The following SMIM45 variants were observed in gnomAD, a reference collection of about 807,000 sequenced individuals.
The protein encoded by SMIM45 is small integral membrane protein 45, also known as long intergenic non-protein coding RNA 634.
At chr22:41,958,600 G>C in the SMIM45 span, 1 of 352,128 alleles carries the variant, frequency 2.8e-6, no homozygotes, top group Non-Finnish European at 5.6e-6. Flanking sequence ...TGGTGGAAAC[G>C]GGGTGAACTC....
the SMIM45 span, among the ~76,000 whole-genome samples, chr22:41,956,208 G>A: frequency 6.6e-6 from 1 of 152,040 alleles, no homozygotes; most frequent in African/African-American, 2.4e-5. Flanking sequence ...ACGGGGTTTT[G>A]CCATGTTGCC....
chr22:41,947,133 C>G, the SMIM45 span: 1 of 1,568,750 alleles, frequency 6.4e-7, no homozygotes, highest in South Asian at 1.1e-5. Context: ...TCAAACCGCC[C>G]TGAGTCCAGC....
the SMIM45 span, chr22:41,946,971 C>G: frequency 6.3e-7 from 1 of 1,596,378 alleles, no homozygotes; most frequent in Non-Finnish European, 8.6e-7. Context: ...GGCTGAAGCA[C>G]CGCCCAGGAG....
the SMIM45 span, chr22:41,958,507 A>AGAGAGAGAGT: frequency 1.5e-5 from 6 of 392,594 alleles, no homozygotes; most frequent in African/African-American, 1.1e-4. Context: ...AGAGAGAGAG[A>AGAGAGAGAGT]GTCTGGGGGG....
chr22:41,956,841 C>T, the SMIM45 span, among the ~76,000 whole-genome samples: 44 of 152,272 alleles, frequency 2.9e-4, no homozygotes, highest in African/African-American at 9.6e-4. Flanking sequence ...CAGGCTGGAG[C>T]ACAGTGGCGC....
the SMIM45 span, among the ~76,000 whole-genome samples, chr22:41,947,631 A>C: frequency 7.2e-6 from 1 of 139,416 alleles, no homozygotes; most frequent in South Asian, 2.4e-4. Context: ...TCCCAAAGTG[A>C]GTGCTGAGAT....
At chr22:41,954,134 C>T in the SMIM45 span, among the ~76,000 whole-genome samples, 1 of 151,670 alleles carries the variant, frequency 6.6e-6, no homozygotes, top group African/African-American at 2.4e-5. Context: ...TTCTTATTCT[C>T]TGAGCCTCAG....
At chr22:41,947,218 G>A in the SMIM45 span, 3 of 703,846 alleles carry the variant, frequency 4.3e-6, no homozygotes, top group East Asian at 5.4e-5. Context: ...CCTCTTAAAG[G>A]AACCGAACCT....
chr22:41,953,952 G>A, the SMIM45 span, among the ~76,000 whole-genome samples: 26 of 148,132 alleles, frequency 1.8e-4, no homozygotes, highest in South Asian at 1.1e-3. Context: ...GGGTTTCACC[G>A]TGTTAGCCAG....
At chr22:41,950,223 A>G in the SMIM45 span, among the ~76,000 whole-genome samples, 1 of 152,238 alleles carries the variant, frequency 6.6e-6, no homozygotes, top group Non-Finnish European at 1.5e-5. Flanking sequence ...ATTGAGGCAT[A>G]AGGGACACGT....
the SMIM45 span, chr22:41,958,123 A>G: frequency 5.8e-6 from 2 of 344,936 alleles, no homozygotes; most frequent in Non-Finnish European, 1.2e-5. Flanking sequence ...AAGCCGACTC[A>G]CCCAGAGCCC....
the SMIM45 span, among the ~76,000 whole-genome samples, chr22:41,953,740 G>GTTTT: frequency 2.8e-4 from 25 of 89,302 alleles, 3 homozygotes; most frequent in African/African-American, 6.4e-4. Flanking sequence ...TCTGTGATCT[G>GTTTT]TTTTTTTTTT....
At chr22:41,958,598 A>G in the SMIM45 span, 1 of 351,084 alleles carries the variant, frequency 2.8e-6, no homozygotes, top group Non-Finnish European at 5.7e-6. Flanking sequence ...GGTGGTGGAA[A>G]CGGGGTGAAC....
the SMIM45 span, among the ~76,000 whole-genome samples, chr22:41,956,494 G>A: frequency 2.0e-5 from 3 of 152,332 alleles, no homozygotes; most frequent in Non-Finnish European, 4.4e-5. Flanking sequence ...TGGCTAGGGC[G>A]TGCAGGTGGC....
the SMIM45 span, among the ~76,000 whole-genome samples, chr22:41,950,647 A>T: frequency 6.6e-6 from 1 of 151,472 alleles, no homozygotes; most frequent in Admixed American, 6.6e-5. Flanking sequence ...GCAGTGAGCC[A>T]TGATCACACC....
At chr22:41,953,990 C>CAAAA in the SMIM45 span, among the ~76,000 whole-genome samples, 1 of 126,548 alleles carries the variant, frequency 7.9e-6, no homozygotes. Flanking sequence ...GATCAAGTCT[C>CAAAA]AAAAAAAAAA....
chr22:41,957,845 A>G, the SMIM45 span: 1 of 155,890 alleles, frequency 6.4e-6, no homozygotes, highest in Non-Finnish European at 1.4e-5. Flanking sequence ...CCTCCGCAAG[A>G]CGCTAATGGT....
At chr22:41,958,414 G>A in the SMIM45 span, 6 of 456,358 alleles carry the variant, frequency 1.3e-5, no homozygotes, top group Non-Finnish European at 2.6e-5. Flanking sequence ...GCTCAGGCTT[G>A]GAACTGGTGA....
At chr22:41,952,824 C>G in the SMIM45 span, among the ~76,000 whole-genome samples, 1 of 152,190 alleles carries the variant, frequency 6.6e-6, no homozygotes, top group South Asian at 2.1e-4. Flanking sequence ...CTGTTCTGCC[C>G]CAGCCCTCCA....
Sources: gnomAD v4.1 joint callset for allele counts (sites outside exome capture counted in the v4.1 genomes callset) on GRCh38, gnomAD v4.1.1 for gene constraint, MANE v1.5 for transcripts, NCBI Gene and HGNC (gene_info 2026-07-23, HGNC 2026-07-21) for gene names.